GRM7: variants seen among roughly 807,000 people sequenced by gnomAD.
GRM7 encodes metabotropic glutamate receptor 7.
GRM7 carries 35 observed loss-of-function variants against 84.5 expected under a neutral mutation model. That is an observed-to-expected ratio of 0.41 (90% CI 0.32 to 0.55). GRM7 has a LOEUF of 0.55. Among genes scored for constraint, GRM7 ranks in the 20% least tolerant of loss-of-function variants. GRM7 has a pLI of 0.19. For synonymous variants in GRM7, 487 were observed against 455.1 expected (o/e 1.07, Z -0.89); for missense variants, 1,003 against 1,194.6 (o/e 0.84, Z 2.36).
intron 4 of GRM7, among the ~76,000 whole-genome samples, chr3:7,387,757 C>T (rs911235771): frequency 3.3e-5 from 5 of 151,938 alleles, no homozygotes; most frequent in South Asian, 2.1e-4. Context: ...TTAGGATTGC[C>T]GTGGCTATTC....
chr3:6,979,145 C>A (rs17046516), intron 1 of GRM7, among the ~76,000 whole-genome samples: 21,604 of 152,082 alleles, frequency 0.14, 1,731 homozygotes, highest in South Asian at 0.27. Flanking sequence ...TCAAAAGACC[C>A]ACCATTTGAT....
At chr3:7,394,515 T>A (rs894334216) in intron 4 of GRM7, among the ~76,000 whole-genome samples, 1 of 152,220 alleles carries the variant, frequency 6.6e-6, no homozygotes, top group Non-Finnish European at 1.5e-5. Flanking sequence ...TTACATATTT[T>A]ACTTGTGCTC....
At chr3:6,940,706 T>C (rs1047353753) in intron 1 of GRM7, among the ~76,000 whole-genome samples, 4 of 152,364 alleles carry the variant, frequency 2.6e-5, no homozygotes, top group African/African-American at 9.6e-5. Context: ...ATAGTAATGA[T>C]GGTGCTCTAT....
intron 8 of GRM7, among the ~76,000 whole-genome samples, chr3:7,677,262 TAA>T (rs557488794): frequency 4.6e-4 from 17 of 36,984 alleles, no homozygotes; most frequent in Admixed American, 2.9e-3. Context: ...ACTCTGTCTT[TAA>T]AAAAAAAAAA....
intron 2 of GRM7, among the ~76,000 whole-genome samples, chr3:7,204,546 G>A (rs1002466386): frequency 3.3e-5 from 5 of 152,228 alleles, no homozygotes; most frequent in Non-Finnish European, 7.3e-5. Flanking sequence ...AGGTTAGGCT[G>A]GTTCTCCCTG....
At chr3:7,442,414 A>G (rs1697327919) in intron 5 of GRM7, among the ~76,000 whole-genome samples, 1 of 152,176 alleles carries the variant, frequency 6.6e-6, no homozygotes, top group Non-Finnish European at 1.5e-5. Context: ...AAACAGAGAT[A>G]GTTTGACTTT....
intron 8 of GRM7, among the ~76,000 whole-genome samples, chr3:7,631,210 T>G (rs1173633474): frequency 2.6e-5 from 4 of 152,190 alleles, no homozygotes; most frequent in Non-Finnish European, 1.5e-5. Context: ...CTTTGTACTT[T>G]CTCTTTATGC....
intron 4 of GRM7, among the ~76,000 whole-genome samples, chr3:7,394,155 T>G (rs935540031): frequency 2.0e-5 from 3 of 152,196 alleles, no homozygotes; most frequent in Non-Finnish European, 2.9e-5. Flanking sequence ...TGAACCCAGA[T>G]ATGTCTGATT....
intron 4 of GRM7, among the ~76,000 whole-genome samples, chr3:7,316,026 T>C (rs773671232): frequency 1.8e-4 from 27 of 152,148 alleles, no homozygotes; most frequent in Non-Finnish European, 2.6e-4. Flanking sequence ...AAGATGTCTT[T>C]TGATAAGTGA....
chr3:7,354,206 G>A (rs950430818), intron 4 of GRM7, among the ~76,000 whole-genome samples: 6 of 152,104 alleles, frequency 3.9e-5, no homozygotes, highest in African/African-American at 1.4e-4. Context: ...GTGTACTGGG[G>A]AAAAGGAAAT....
At chr3:7,067,353 A>G (rs764838628) in intron 1 of GRM7, among the ~76,000 whole-genome samples, 6 of 152,040 alleles carry the variant, frequency 3.9e-5, no homozygotes, top group Non-Finnish European at 7.4e-5. Flanking sequence ...TACACAAATC[A>G]GTAGCTCTTC....
intron 1 of GRM7, among the ~76,000 whole-genome samples, chr3:6,881,145 AT>A (rs1327725567): frequency 1.3e-5 from 2 of 152,004 alleles, no homozygotes; most frequent in Non-Finnish European, 2.9e-5. Flanking sequence ...TTTAATTTTT[AT>A]TTTTAGTTCT....
rs556107816 is a variant in GRM7 at position 7,375,930 on chromosome 3, C to G, written c.1034-39093C>G. Among the ~76,000 whole-genome samples the G allele has an allele frequency of 9.0e-4, 137 of 152,200 alleles. 3 individuals are homozygous for G. The highest frequency in any genetic ancestry group is 5.6e-3 in the South Asian group (27 of 4,806). On this transcript the variant is annotated intron_variant, in intron 4 of 9. Coordinates refer to ENST00000357716, the MANE Select transcript of GRM7 (RefSeq NM_000844.4). ...TTCTTCTTCCTTATATCTGCGTTCC[C>G]TACTAGACCAACATCTCCCTGAGAG... is the stretch of plus-strand genomic sequence containing the variant.
chr3:7,264,901 T>C (rs1401265169), intron 2 of GRM7, among the ~76,000 whole-genome samples: 1 of 152,148 alleles, frequency 6.6e-6, no homozygotes, highest in Non-Finnish European at 1.5e-5. Context: ...TGCTATAGAG[T>C]TGAGAGTCAA....
chr3:7,291,548 C>G (rs1699627512), intron 2 of GRM7, among the ~76,000 whole-genome samples: 1 of 78,658 alleles, frequency 1.3e-5, no homozygotes, highest in Admixed American at 1.3e-4. Flanking sequence ...CTCTCTCTCT[C>G]TCTCTCAATC....
chr3:7,157,763 A>T (rs1694500443), intron 2 of GRM7, among the ~76,000 whole-genome samples: 2 of 148,766 alleles, frequency 1.3e-5, no homozygotes, highest in African/African-American at 5.0e-5. Context: ...CACCCTGTGG[A>T]TTTTTGATAA....
At chr3:7,633,713 C>T (rs990401431) in intron 8 of GRM7, among the ~76,000 whole-genome samples, 1 of 151,984 alleles carries the variant, frequency 6.6e-6, no homozygotes, top group African/African-American at 2.4e-5. Flanking sequence ...ACAAAAATTT[C>T]CAAAGTGATC....
chr3:7,037,146 G>A (rs1407188234), intron 1 of GRM7, among the ~76,000 whole-genome samples: 1 of 152,168 alleles, frequency 6.6e-6, no homozygotes, highest in Non-Finnish European at 1.5e-5. Context: ...AGGTTTTTCA[G>A]TGATTTATAT....
chr3:6,995,407 G>C (rs889630499), intron 1 of GRM7, among the ~76,000 whole-genome samples: 7 of 152,160 alleles, frequency 4.6e-5, no homozygotes, highest in African/African-American at 1.2e-4. Context: ...GTCAGATTCA[G>C]CCCATGAGCC....
Sources: gnomAD v4.1 joint callset for allele counts (sites outside exome capture counted in the v4.1 genomes callset) on GRCh38, gnomAD v4.1.1 for gene constraint, MANE v1.5 for transcripts, NCBI Gene and HGNC (gene_info 2026-07-23, HGNC 2026-07-21) for gene names.